Variants in STARD3NL observed in about 807,000 individuals in gnomAD.
STARD3NL encodes STARD3 N-terminal-like protein.
In STARD3NL, 17 loss-of-function variants were observed where a neutral mutation model predicts 30.9. That is an observed-to-expected ratio of 0.55 (90% CI 0.38 to 0.82). STARD3NL has a LOEUF of 0.82. STARD3NL is among the 40% of genes least tolerant of loss of function. STARD3NL has a pLI of 0.00. For missense variants in STARD3NL, 234 were observed against 277.6 expected (o/e 0.84, Z 1.12); for synonymous variants, 112 against 100.5 (o/e 1.11, Z -0.69).
intron 1 of STARD3NL, among the ~76,000 whole-genome samples, chr7:38,197,161 TTTC>T (rs1298224736): frequency 6.8e-6 from 1 of 146,848 alleles, no homozygotes; most frequent in Non-Finnish European, 1.5e-5. Flanking sequence ...TCTTTCTTTC[TTTC>T]TTTCTTTCTT....
At chr7:38,181,081 C>T (rs1409568963) in intron 1 of STARD3NL, among the ~76,000 whole-genome samples, 1 of 152,144 alleles carries the variant, frequency 6.6e-6, no homozygotes, top group Non-Finnish European at 1.5e-5. Flanking sequence ...TAATCATTTG[C>T]CTTATTTTCC....
Position 38,217,177 on chromosome 7 carries a change from G to T in STARD3NL, c.436-11G>T. On this transcript the variant is annotated splice_polypyrimidine_tract_variant and intron_variant, in intron 5 of 8. Coordinates refer to ENST00000009041, the MANE Select transcript of STARD3NL (RefSeq NM_032016.4). ...GTAACTGCATTTCCCTTTCCTGGTC[G>T]TATTTTCCAGCTTTTCTCTCAAGGG... 1.2e-6 allele frequency: 2 copies of T among 1,613,804 alleles called. No homozygotes were observed. The highest frequency in any genetic ancestry group is 1.3e-5 in the African/African-American group (1 of 74,988).
At chr7:38,194,790 G>A (rs1784834187) in intron 1 of STARD3NL, among the ~76,000 whole-genome samples, 1 of 151,754 alleles carries the variant, frequency 6.6e-6, no homozygotes, top group South Asian at 2.1e-4. Context: ...TATAAATATG[G>A]CTTACCTCCT....
At chr7:38,225,131 G>A (rs991474878) in intron 7 of STARD3NL, among the ~76,000 whole-genome samples, 14 of 152,034 alleles carry the variant, frequency 9.2e-5, no homozygotes, top group Admixed American at 7.9e-4. Context: ...TCTATTATAT[G>A]TAATTCATAA....
chr7:38,193,676 G>A (rs1784786765), intron 1 of STARD3NL, among the ~76,000 whole-genome samples: 1 of 152,160 alleles, frequency 6.6e-6, no homozygotes, highest in South Asian at 2.1e-4. Context: ...TCTGACTTGT[G>A]GGAGCGGTTG....
chr7:38,214,780 A>T lies in STARD3NL; in HGVS notation c.304-248A>T, dbSNP rs1786005102. On this transcript the variant is annotated intron_variant, in intron 3 of 8. Transcript: ENST00000009041. ...ATTCACCTATTTGTATAATAAGATG[A>T]TGAAAATGACATCTTTTTTTTCTTG... Among the ~76,000 whole-genome samples the T allele has an allele frequency of 2.0e-5, 3 of 152,230 alleles. No homozygotes were observed. The South Asian group carries it at 6.2e-4, about 32-fold the overall frequency.
intron 2 of STARD3NL, among the ~76,000 whole-genome samples, chr7:38,209,816 C>G (rs1371514189): frequency 6.6e-6 from 1 of 152,072 alleles, no homozygotes; most frequent in Non-Finnish European, 1.5e-5. Flanking sequence ...GTAGGCTGCC[C>G]CCTGTTCTTG....
chr7:38,229,483 C>G (rs1786975848), intron 8 of STARD3NL, among the ~76,000 whole-genome samples: 1 of 152,216 alleles, frequency 6.6e-6, no homozygotes, highest in South Asian at 2.1e-4. Flanking sequence ...CAAAGAAAAT[C>G]ATTTTAACCT....
rs929137903 is a variant in STARD3NL at position 38,216,799 on chromosome 7, A to G, written c.382-226A>G. 5.6e-6 allele frequency: 3 copies of G among 539,074 alleles called. No homozygotes were observed. In the South Asian group the frequency reaches 8.4e-5, roughly 15 times the overall value. The allele number at this position is 539,074 out of a possible 1,614,324, so 33.4% of individuals were successfully genotyped here. On this transcript the variant is annotated intron_variant, in intron 4 of 8. Coordinates refer to ENST00000009041, the MANE Select transcript of STARD3NL (RefSeq NM_032016.4). ...CACCAGCCTGCTGAAATGTGGGAGA[A>G]TAAACCACACACAGTCATTTAGGGA...
chr7:38,205,684 G>A (rs1445129507), intron 1 of STARD3NL, among the ~76,000 whole-genome samples: 1 of 151,998 alleles, frequency 6.6e-6, no homozygotes, highest in East Asian at 1.9e-4. Flanking sequence ...ATAGCATTTT[G>A]AATTTTTCAT....
At position 38,218,645 on chromosome 7, in the gene STARD3NL, G is replaced by A. The variant is rs111271360; in HGVS notation, c.554-920G>A. Reference sequence around the variant, plus strand: ...TTAGCACTTATTTTCATTGTCAGTAGCATGTATGACACACATACCTGGTAT... The same window carrying A: ...TTAGCACTTATTTTCATTGTCAGTAACATGTATGACACACATACCTGGTAT... On this transcript the variant is annotated intron_variant, in intron 6 of 8. Coordinates refer to ENST00000009041, the MANE Select transcript of STARD3NL (RefSeq NM_032016.4). 3.0e-3 allele frequency among the ~76,000 whole-genome samples: 462 copies of A among 152,276 alleles called. 3 individuals carry two copies. Among genetic ancestry groups the A allele is most frequent in the Non-Finnish European group, 4.5e-3 (306 of 68,018 alleles).
chr7:38,192,944 G>A (rs1040325388), intron 1 of STARD3NL, among the ~76,000 whole-genome samples: 3 of 150,966 alleles, frequency 2.0e-5, no homozygotes, highest in African/African-American at 7.3e-5. Context: ...ATTGTTGTTG[G>A]TTTTTTTTTA....
chr7:38,226,240 GT>G (rs1786761200), intron 7 of STARD3NL, among the ~76,000 whole-genome samples: 1 of 5,582 alleles, frequency 1.8e-4, no homozygotes, highest in East Asian at 5.2e-3. Flanking sequence ...AAACATTGCT[GT>G]TCTTGCTCTT....
At chr7:38,185,399 A>G (rs1258831750) in intron 1 of STARD3NL, among the ~76,000 whole-genome samples, 1 of 152,204 alleles carries the variant, frequency 6.6e-6, no homozygotes, top group Non-Finnish European at 1.5e-5. Context: ...AGGAGATAAC[A>G]TATGTAACTT....
Position 38,212,530 on chromosome 7 carries a change from T to C in STARD3NL, c.226-1827T>C, listed in dbSNP as rs534094466. Among the ~76,000 whole-genome samples the C allele has an allele frequency of 3.7e-3, 571 of 152,340 alleles. 2 individuals carry two copies. The highest frequency in any genetic ancestry group is 0.014 in the Middle Eastern group (4 of 294). ...AGAATATAATCTCCATGAAGACATA[T>C]TATTTTGTTTACTGAAGTATTTCCT... On this transcript the variant is annotated intron_variant, in intron 2 of 8. Transcript: ENST00000009041.
intron 7 of STARD3NL, among the ~76,000 whole-genome samples, chr7:38,220,508 T>G (rs1457589513): frequency 6.6e-6 from 1 of 152,078 alleles, no homozygotes; most frequent in African/African-American, 2.4e-5. Context: ...GGTGAGAATA[T>G]GGAGAAATTG....
intron 1 of STARD3NL, among the ~76,000 whole-genome samples, chr7:38,188,264 G>C (rs913345964): frequency 2.0e-5 from 3 of 152,140 alleles, no homozygotes; most frequent in Non-Finnish European, 4.4e-5. Flanking sequence ...CTTGGCTGCA[G>C]CTTCGCTGGC....
rs754379261 is a variant in STARD3NL at position 38,219,519 on chromosome 7, C to T, written c.554-46C>T. The T allele has an allele frequency of 2.1e-6, 3 of 1,434,486 alleles. No individual in the cohort carries two copies. In the Admixed American group the frequency reaches 5.1e-5, roughly 25 times the overall value. The allele number at this position is 1,434,486 out of a possible 1,614,324, so 88.9% of individuals were successfully genotyped here. A position where few individuals can be genotyped will look rare whatever the true frequency, so the allele number is the denominator to read the frequency against. Reference sequence around the variant, plus strand: ...TTACTTAATCTTGCCAAAAAGCTACCAGAAAGGTGACCTCATTCCCAACAT... The same window carrying T: ...TTACTTAATCTTGCCAAAAAGCTACTAGAAAGGTGACCTCATTCCCAACAT... On this transcript the variant is annotated intron_variant, in intron 6 of 8. Transcript: ENST00000009041.
chr7:38,214,467 A>G lies in STARD3NL; in HGVS notation c.303+33A>G, dbSNP rs752000558. The G allele has an allele frequency of 3.5e-6, 5 of 1,429,646 alleles. No individual in the cohort carries two copies. The East Asian group carries it at 1.2e-4, about 33-fold the overall frequency. 88.6% of individuals were successfully genotyped at this position (1,429,646 alleles called of 1,614,324 possible). On this transcript the variant is annotated intron_variant, in intron 3 of 8. Transcript: ENST00000009041. ...TTTTTTATGTTTCATTTCAGATGTGATAAAACTGACCCAAAAGGCAGATTT... is the reference window on the plus strand; with the variant it reads ...TTTTTTATGTTTCATTTCAGATGTGGTAAAACTGACCCAAAAGGCAGATTT...
Sources: allele counts gnomAD v4.1 joint callset (sites outside exome capture counted in the v4.1 genomes callset), GRCh38; gene constraint gnomAD v4.1.1; transcripts MANE v1.5; gene names NCBI Gene and HGNC (gene_info 2026-07-23, HGNC 2026-07-21).